RPS6KC1: variants seen among roughly 807,000 people sequenced by gnomAD.
RPS6KC1 encodes ribosomal protein S6 kinase C1, also known as inactive ribosomal protein S6 kinase delta-1.
Under a neutral mutation model 103.8 loss-of-function variants are expected in RPS6KC1, and 54 were observed. The ratio of observed to expected loss-of-function variants is 0.52; its 90% CI spans 0.42 to 0.65. RPS6KC1 has a LOEUF of 0.65. RPS6KC1 is among the 30% of genes least tolerant of loss of function. The probability of loss-of-function intolerance (pLI) is 0.00; values close to 1 mark genes in which losing one functional copy is unlikely to be tolerated. For synonymous variants in RPS6KC1, 439 were observed against 438.7 expected (o/e 1.00, Z -0.01); for missense variants, 1,151 against 1,253.8 (o/e 0.92, Z 1.24).
At chr1:213,460,581 G>T in the RPS6KC1 span, among the ~76,000 whole-genome samples, 6 of 152,016 alleles carry the variant, frequency 3.9e-5, no homozygotes, top group African/African-American at 1.4e-4. Context: ...CATTTAGCCT[G>T]TTTACATTTA....
At chr1:213,767,926 G>A in the RPS6KC1 span, among the ~76,000 whole-genome samples, 3 of 152,210 alleles carry the variant, frequency 2.0e-5, no homozygotes, top group Non-Finnish European at 4.4e-5. Flanking sequence ...CACGCCGCAA[G>A]CATTCACAGG....
chr1:213,136,258 G>T (rs763687615), intron 6 of RPS6KC1, among the ~76,000 whole-genome samples: 1 of 152,122 alleles, frequency 6.6e-6, no homozygotes, highest in Non-Finnish European at 1.5e-5. Context: ...TTCCCTCATA[G>T]CTCCAATAAA....
At chr1:213,208,527 A>G (rs570051398) in intron 8 of RPS6KC1, among the ~76,000 whole-genome samples, 1 of 152,224 alleles carries the variant, frequency 6.6e-6, no homozygotes, top group South Asian at 2.1e-4. Context: ...CATTTGGGTA[A>G]CAATCTAGAT....
chr1:213,508,212 A>G, the RPS6KC1 span, among the ~76,000 whole-genome samples: 1 of 152,204 alleles, frequency 6.6e-6, no homozygotes, highest in Non-Finnish European at 1.5e-5. Context: ...TGTATCATTA[A>G]GGCTTGGATT....
intron 8 of RPS6KC1, among the ~76,000 whole-genome samples, chr1:213,192,913 T>A (rs1381618115): frequency 6.6e-6 from 1 of 152,134 alleles, no homozygotes; most frequent in East Asian, 1.9e-4. Context: ...TTTCAAGAAA[T>A]TTTTCAGTTT....
chr1:213,492,422 A>G, the RPS6KC1 span: 1 of 152,364 alleles, frequency 6.6e-6, no homozygotes, highest in African/African-American at 2.4e-5. Context: ...TATTAACAAC[A>G]GAGCCTTGTG....
At chr1:213,523,535 G>A in the RPS6KC1 span, among the ~76,000 whole-genome samples, 4 of 152,166 alleles carry the variant, frequency 2.6e-5, no homozygotes, top group African/African-American at 7.2e-5. Flanking sequence ...CAGGGTTGTT[G>A]TAAAAATAAA....
chr1:213,402,893 T>C, the RPS6KC1 span, among the ~76,000 whole-genome samples: 1 of 143,500 alleles, frequency 7.0e-6, no homozygotes, highest in Non-Finnish European at 1.5e-5. Flanking sequence ...GGCGGGCAGA[T>C]CACAAGGTCA....
At chr1:213,608,705 A>G in the RPS6KC1 span, among the ~76,000 whole-genome samples, 1 of 152,072 alleles carries the variant, frequency 6.6e-6, no homozygotes, top group African/African-American at 2.4e-5. Context: ...TACTTTTGTG[A>G]TTTTCCATCT....
the RPS6KC1 span, among the ~76,000 whole-genome samples, chr1:213,847,327 G>A: frequency 6.6e-6 from 1 of 152,094 alleles, no homozygotes; most frequent in Non-Finnish European, 1.5e-5. Context: ...AATCCTTTTA[G>A]CAAGGAAAGA....
At chr1:213,816,505 T>A in the RPS6KC1 span, among the ~76,000 whole-genome samples, 3 of 152,166 alleles carry the variant, frequency 2.0e-5, no homozygotes, top group African/African-American at 7.2e-5. Flanking sequence ...CACACTGACT[T>A]CTGATTCTTT....
At chr1:213,429,663 T>G in the RPS6KC1 span, among the ~76,000 whole-genome samples, 1 of 152,210 alleles carries the variant, frequency 6.6e-6, no homozygotes, top group Non-Finnish European at 1.5e-5. Flanking sequence ...AACTCTATGA[T>G]GAATTCTAGT....
At chr1:213,818,569 T>C in the RPS6KC1 span, 1 of 152,222 alleles carries the variant, frequency 6.6e-6, no homozygotes, top group Non-Finnish European at 1.5e-5. Flanking sequence ...CCGCTGTATT[T>C]CCAAGGTATG....
At chr1:213,741,722 C>T in the RPS6KC1 span, among the ~76,000 whole-genome samples, 1 of 152,212 alleles carries the variant, frequency 6.6e-6, no homozygotes, top group Non-Finnish European at 1.5e-5. Context: ...TATGGTGCCT[C>T]CGCCCTTCTC....
At chr1:213,673,431 A>G in the RPS6KC1 span, among the ~76,000 whole-genome samples, 1 of 152,248 alleles carries the variant, frequency 6.6e-6, no homozygotes, top group African/African-American at 2.4e-5. Flanking sequence ...TACAGAACTC[A>G]GGTTAGAGAT....
the RPS6KC1 span, among the ~76,000 whole-genome samples, chr1:213,402,137 G>T: frequency 6.6e-6 from 1 of 152,150 alleles, no homozygotes; most frequent in Non-Finnish European, 1.5e-5. Flanking sequence ...CTCCCAAGGA[G>T]CCAGGAGTGG....
intron 4 of RPS6KC1, among the ~76,000 whole-genome samples, chr1:213,111,339 A>G (rs1015849377): frequency 2.0e-5 from 3 of 152,176 alleles, no homozygotes; most frequent in Non-Finnish European, 4.4e-5. Context: ...CAAAATTTCT[A>G]TGAAATTTTT....
chr1:213,711,135 G>C, the RPS6KC1 span, among the ~76,000 whole-genome samples: 1 of 151,928 alleles, frequency 6.6e-6, no homozygotes, highest in Non-Finnish European at 1.5e-5. Context: ...CATTTTCCCT[G>C]TCAGTTTCAG....
chr1:213,146,262 T>C (rs191189249), intron 6 of RPS6KC1, among the ~76,000 whole-genome samples: 223 of 151,902 alleles, frequency 1.5e-3, no homozygotes, highest in Middle Eastern at 6.8e-3. Flanking sequence ...GTTGTGTATA[T>C]GTACCATTTT....
Sources: allele counts gnomAD v4.1 joint callset (sites outside exome capture counted in the v4.1 genomes callset), GRCh38; gene constraint gnomAD v4.1.1; transcripts MANE v1.5; gene names NCBI Gene and HGNC (gene_info 2026-07-23, HGNC 2026-07-21).